The following XPO1 variants were observed in gnomAD, a reference collection of about 807,000 sequenced individuals.
XPO1 encodes exportin 1, also known as exportin-1.
Under a neutral mutation model 133.3 loss-of-function variants are expected in XPO1, and 5 were observed. The ratio of observed to expected loss-of-function variants is 0.04; its 90% CI spans 0.02 to 0.08. The LOEUF is 0.08. Among genes scored for constraint, XPO1 ranks in the 10% least tolerant of loss-of-function variants. XPO1 has a pLI of 1.00. For missense variants in XPO1, 506 were observed against 1,267.5 expected, an observed-to-expected ratio of 0.40 and a Z score of 9.12; for synonymous variants, 419 against 408.2, an observed-to-expected ratio of 1.03 and a Z score of -0.32.
chr2:61,504,642 GA>G (rs1312311206), intron 4 of XPO1, among the ~76,000 whole-genome samples: 2 of 152,060 alleles, frequency 1.3e-5, no homozygotes, highest in Non-Finnish European at 2.9e-5. Context: ...AATTTTCGTT[GA>G]AAAGAAAAAT....
chr2:61,478,689 A>C lies in XPO1; in HGVS notation c.*131T>G. ...CACAGAAAATTTCTTATACAAAAAA[A>C]CACATAAGAAAAAGGGCCACTAGGT... On this transcript the variant is annotated 3_prime_UTR_variant, in exon 25 of 25. Transcript: ENST00000401558. The C allele has an allele frequency of 1.1e-6, 1 of 870,184 alleles. No individual in the cohort carries two copies. The highest frequency in any genetic ancestry group is 2.3e-5 in the South Asian group (1 of 42,602). The allele number at this position is 870,184 out of a possible 1,614,324, so 53.9% of individuals were successfully genotyped here.
At chr2:61,510,937 CAAA>C (rs1163597698) in intron 4 of XPO1, among the ~76,000 whole-genome samples, 5 of 61,212 alleles carry the variant, frequency 8.2e-5, no homozygotes, top group Admixed American at 1.9e-4. Flanking sequence ...GACCTTATCT[CAAA>C]AAAAAAAAAA....
intron 9 of XPO1, among the ~76,000 whole-genome samples, 156 bp downstream of exon 9, chr2:61,498,517 T>C (rs537734725): frequency 5.3e-5 from 8 of 152,296 alleles, no homozygotes; most frequent in African/African-American, 1.7e-4. Flanking sequence ...CTTTAAATAA[T>C]TTACTAGGTG....
chr2:61,516,714 T>C (rs1698409208), intron 4 of XPO1, among the ~76,000 whole-genome samples: 1 of 152,040 alleles, frequency 6.6e-6, no homozygotes, highest in Non-Finnish European at 1.5e-5. Context: ...ATGCCCCGCC[T>C]GTGAGTAAGT....
chr2:61,535,173 T>C (rs1699306439), intron 1 of XPO1, among the ~76,000 whole-genome samples: 1 of 152,238 alleles, frequency 6.6e-6, no homozygotes, highest in South Asian at 2.1e-4. Context: ...TTATAAAATA[T>C]ATCTTTCCTC....
chr2:61,509,158 C>A (rs982586093), intron 4 of XPO1, among the ~76,000 whole-genome samples: 1 of 151,644 alleles, frequency 6.6e-6, no homozygotes, highest in African/African-American at 2.4e-5. Context: ...CCCGTCACCA[C>A]GCCCAGCTGA....
intron 20 of XPO1, chr2:61,484,372 A>T (rs1696565607): frequency 2.8e-6 from 1 of 357,538 alleles, no homozygotes; most frequent in Non-Finnish European, 5.1e-6. Context: ...TTATTACCAT[A>T]AGACTACTAC....
At chr2:61,514,716 A>G (rs532619545) in intron 4 of XPO1, among the ~76,000 whole-genome samples, 74 of 152,174 alleles carry the variant, frequency 4.9e-4, no homozygotes, top group Non-Finnish European at 5.4e-4. Flanking sequence ...AAACATACTT[A>G]TACACTGCTG....
chr2:61,488,332 G>T, intron 18 of XPO1, 61 bp from the exon 19 acceptor site: 1 of 1,445,672 alleles, frequency 6.9e-7, no homozygotes, highest in Non-Finnish European at 9.6e-7. Flanking sequence ...TGGTACTCAG[G>T]TGTACATTAG....
At chr2:61,498,562 G>T in intron 9 of XPO1, 111 bp downstream of exon 9, 1 of 1,383,930 alleles carries the variant, frequency 7.2e-7, no homozygotes, top group East Asian at 2.4e-5. Context: ...CAGCGTCCTC[G>T]TGTTAGAAAC....
At chr2:61,493,565 G>T in intron 12 of XPO1, 1 of 235,940 alleles carries the variant, frequency 4.2e-6, no homozygotes, top group Non-Finnish European at 8.2e-6. Flanking sequence ...AATTATTTAA[G>T]TGTGTTTTAA....
chr2:61,498,833 T>C (rs755434632), intron 8 of XPO1, 32 bp downstream of exon 8: 4 of 1,608,638 alleles, frequency 2.5e-6, no homozygotes, highest in East Asian at 2.2e-5. Context: ...TTTCCTATTA[T>C]TGTTTTTAAA....
At chr2:61,528,057 G>T (rs13397895) in intron 2 of XPO1, among the ~76,000 whole-genome samples, 48 of 151,464 alleles carry the variant, frequency 3.2e-4, no homozygotes, top group Non-Finnish European at 1.9e-4. Flanking sequence ...CTCCCAAGTA[G>T]CTGGGACTAC....
chr2:61,493,063 A>T lies in XPO1; in HGVS notation c.1246-10T>A. 1 of 1,561,226 alleles carries T rather than the reference A, an allele frequency of 6.4e-7. No individual in the cohort carries two copies. Among genetic ancestry groups the T allele is most frequent in the Non-Finnish European group, 8.6e-7 (1 of 1,163,774 alleles). On this transcript the variant is annotated splice_polypyrimidine_tract_variant and intron_variant, in intron 12 of 24. Coordinates refer to ENST00000401558, the MANE Select transcript of XPO1 (RefSeq NM_003400.4). The stretch of plus-strand genomic sequence containing the variant: ...CCATTAATAAACGGACCTATACTCA[A>T]CAATATATCAATCAAGAAAAAAATC...
chr2:61,513,117 T>C (rs952899203), intron 4 of XPO1, among the ~76,000 whole-genome samples: 7 of 152,110 alleles, frequency 4.6e-5, no homozygotes, highest in Non-Finnish European at 8.8e-5. Flanking sequence ...TGCAGTGGCA[T>C]GATCTCGGCT....
chr2:61,490,870 T>TTGGCCCAGG (rs1696945751), intron 16 of XPO1, 94 bp from the exon 17 acceptor site: 1 of 1,479,588 alleles, frequency 6.8e-7, no homozygotes, highest in Non-Finnish European at 9.1e-7. Context: ...GAAACTGATT[T>TTGGCCCAGG]TGGCCCAGGT....
chr2:61,502,275 T>C lies in XPO1; in HGVS notation c.337A>G (p.Thr113Ala). Residue 113 changes from threonine (T) to alanine (A), a missense_variant, in exon 5 of 25, where the codon ACG (threonine) becomes GCG (alanine). By Grantham distance (58) the Thr-to-Ala change is moderately conservative. Around this residue, in one of 6 missense-constraint regions of XPO1, gnomAD observed 68 missense variants for 210.5 expected, o/e 0.32. Transcript: ENST00000401558. ...KKYVVGLIIK[T>A]SSDPTCVEKE... is the part of the protein sequence containing the mutation. ...TCTACACAAGTTGGGTCAGATGACG[T>C]CTTGATAATGAGGCCAACAACGTAT... is the stretch of plus-strand genomic sequence containing the variant. 1 of 1,613,448 alleles carries C rather than the reference T, an allele frequency of 6.2e-7. No individual in the cohort carries two copies.
At chr2:61,525,939 C>A in intron 3 of XPO1, 1 of 1,053,160 alleles carries the variant, frequency 9.5e-7, no homozygotes, top group East Asian at 5.4e-5. Flanking sequence ...TCTGTTCAAA[C>A]TTAAAAAAGG....
chr2:61,532,697 TGG>T lies in XPO1; in HGVS notation c.126+1073_126+1074del, dbSNP rs543435710. On this transcript the variant is annotated intron_variant, in intron 2 of 24. Coordinates refer to ENST00000401558, the MANE Select transcript of XPO1 (RefSeq NM_003400.4). The stretch of plus-strand genomic sequence containing the variant: ...TAAAATACAAAAAATTAGCTGGGCA[TGG>T]TGGCGCGTCTGTAGTCCCAGCTACT... Among the ~76,000 whole-genome samples, 415 of 150,910 alleles carry T rather than the reference TGG, an allele frequency of 2.7e-3. 1 individual carries two copies. The highest frequency in any genetic ancestry group is 9.4e-3 in the African/African-American group (388 of 41,140).
Sources: gnomAD v4.1 joint callset for allele counts (sites outside exome capture counted in the v4.1 genomes callset) on GRCh38, gnomAD v4.1.1 for gene constraint, gnomAD v4.1.1 regional missense constraint, MANE v1.5 for transcripts, NCBI Gene and HGNC (gene_info 2026-07-23, HGNC 2026-07-21) for gene names.